The following ZNF622 variants were observed in gnomAD, a reference collection of about 807,000 sequenced individuals.
ZNF622 encodes cytoplasmic 60S subunit biogenesis factor ZNF622.
A neutral mutation model predicts 49.7 loss-of-function variants in ZNF622; 34 were observed. The observed-to-expected ratio is 0.68, with a 90% CI of 0.52 to 0.91. ZNF622 has a LOEUF of 0.91. Among genes scored for constraint, ZNF622 ranks in the 40% least tolerant of loss-of-function variants. ZNF622 has a pLI of 0.00. For missense variants in ZNF622, 569 were observed against 616.4 expected, an observed-to-expected ratio of 0.92 and a Z score of 0.81; for synonymous variants, 209 against 228.7, an observed-to-expected ratio of 0.91 and a Z score of 0.78.
chr5:16,453,027 CA>C lies in ZNF622; in HGVS notation c.1291del (p.Trp431GlyfsTer21). 2 of 1,479,492 alleles carry C rather than the reference CA, an allele frequency of 1.4e-6. No individual in the cohort carries two copies. The highest frequency in any genetic ancestry group is 1.8e-6 in the Non-Finnish European group (2 of 1,104,668). 91.6% of individuals were successfully genotyped at this position (1,479,492 alleles called of 1,614,324 possible). A position where few individuals can be genotyped will look rare whatever the true frequency, so the allele number is the denominator to read the frequency against. ...GATCAATGTACCTGTGCTGCCAGTC[CA>C]TCCCAGGGCTCTGTACTGCTGAAGT... The part of the protein sequence containing the change: ...RVLQQYRALG[W>X]TGSTGAALMR... On this transcript the variant is annotated frameshift_variant, in exon 5 of 6. Transcript: ENST00000308683. LOFTEE classifies it high-confidence loss of function.
At chr5:16,453,364 A>C (rs1737964855) in intron 4 of ZNF622, among the ~76,000 whole-genome samples, 1 of 151,860 alleles carries the variant, frequency 6.6e-6, no homozygotes, top group South Asian at 2.1e-4. Flanking sequence ...AGCATGCAAC[A>C]AAAAGAAAAC....
intron 3 of ZNF622, among the ~76,000 whole-genome samples, chr5:16,458,908 C>A (rs1406086979): frequency 6.6e-6 from 1 of 152,332 alleles, no homozygotes; most frequent in East Asian, 1.9e-4. Flanking sequence ...GCTGGACATG[C>A]AGCTATACTC....
At chr5:16,462,151 G>A (rs939261132) in intron 3 of ZNF622, among the ~76,000 whole-genome samples, 2 of 152,122 alleles carry the variant, frequency 1.3e-5, no homozygotes, top group African/African-American at 4.8e-5. Context: ...CCAACTGCAA[G>A]TCTCCAGCTG....
chr5:16,451,906 C>A (rs746978965), intron 5 of ZNF622, 122 bp from the exon 6 acceptor site: 25 of 1,273,112 alleles, frequency 2.0e-5, no homozygotes, highest in Non-Finnish European at 2.3e-5. Flanking sequence ...GTATTTAAAA[C>A]AGAGTTGCTA....
In ZNF622 at chr5:16,463,664, G is replaced by A. The variant is rs539523351; in HGVS notation, c.704C>T (p.Ala235Val). 6 of 1,614,206 alleles carry A rather than the reference G, an allele frequency of 3.7e-6. No homozygotes were observed. The East Asian group carries it at 1.3e-4, about 36-fold the overall frequency. The change falls in exon 2 of 6, where the codon GCA becomes GTA. Residue 235 changes from alanine (A) to valine (V), a missense_variant. Physicochemically the swap from Ala to Val is moderately conservative, Grantham distance 64 (BLOSUM62 0). Coordinates refer to ENST00000308683, the MANE Select transcript of ZNF622 (RefSeq NM_033414.3). This position sits in a 1 kb window ranked among gnomAD's most constrained non-coding sequence, Gnocchi z 4.2. ...EAMDDVVEQD[A>V]EEEEAEEGPP... ...GCCTTCCTCAGCCTCTTCCTCCTCT[G>A]CATCCTGCTCCACCACATCGTCCAT...
rs187063342 is a variant in ZNF622 at position 16,464,014 on chromosome 5, T to C, written c.626-272A>G. ...TGCCTTACAGCACCTAGCCCAGTGC[T>C]GAAAATATAGTTAGGAAGTCTCCTA... On this transcript the variant is annotated intron_variant, in intron 1 of 5. Transcript: ENST00000308683. Among the ~76,000 whole-genome samples, 6 of 152,354 alleles carry C rather than the reference T, an allele frequency of 3.9e-5. No individual in the cohort carries two copies. The East Asian group carries it at 9.6e-4, about 24-fold the overall frequency.
At position 16,453,031 on chromosome 5, in the gene ZNF622, C is replaced by G; in HGVS notation, c.1288G>C (p.Gly430Arg). Residue 430 changes from glycine (G) to arginine (R), a missense_variant, in exon 5 of 6, where the codon GGA becomes CGA. Coordinates refer to ENST00000308683, the MANE Select transcript of ZNF622 (RefSeq NM_033414.3). ...GRVLQQYRAL[G>R]WTGSTGAALM... ...AATGTACCTGTGCTGCCAGTCCATC[C>G]CAGGGCTCTGTACTGCTGAAGTACT... 1 of 1,510,352 alleles carries G rather than the reference C, an allele frequency of 6.6e-7. No homozygotes were observed. The highest frequency in any genetic ancestry group is 2.4e-5 in the East Asian group (1 of 41,312). 93.6% of individuals were successfully genotyped at this position (1,510,352 alleles called of 1,614,324 possible). A position where few individuals can be genotyped will look rare whatever the true frequency, so the allele number is the denominator to read the frequency against.
chr5:16,463,413 T>C lies in ZNF622; in HGVS notation c.886+69A>G. ...AGATTGATGAAAAATGCAAAACTAATGTTCCCTTGAGACCAGTCCCCCAAT... is the reference window on the plus strand; with the variant it reads ...AGATTGATGAAAAATGCAAAACTAACGTTCCCTTGAGACCAGTCCCCCAAT... On this transcript the variant is annotated intron_variant, in intron 2 of 5. Transcript: ENST00000308683. This position sits in a 1 kb window ranked among gnomAD's most constrained non-coding sequence, Gnocchi z 4.2. The C allele has an allele frequency of 6.6e-7, 1 of 1,520,988 alleles. No homozygotes were observed. Among genetic ancestry groups the C allele is most frequent in the Non-Finnish European group, 8.9e-7 (1 of 1,127,666 alleles). 94.2% of individuals were successfully genotyped at this position (1,520,988 alleles called of 1,614,324 possible). A position where few individuals can be genotyped will look rare whatever the true frequency, so the allele number is the denominator to read the frequency against.
In ZNF622 at chr5:16,451,715, G is replaced by C. The variant is rs1005452472; in HGVS notation, c.1376C>G (p.Thr459Arg). 6 of 1,613,978 alleles carry C rather than the reference G, an allele frequency of 3.7e-6. No individual in the cohort carries two copies. Among genetic ancestry groups the C allele is most frequent in the Non-Finnish European group, 5.1e-6 (6 of 1,180,022 alleles). ...CTTGGTGGCATTGTTCTTCATTCCT[G>C]TCTTCAGCATCCATTTTGATTTCAT... is the stretch of plus-strand genomic sequence containing the variant. ...QRMKSKWMLK[T>R]GMKNNATKQM... is the part of the protein sequence containing the mutation. The change falls in exon 6 of 6, where the codon ACA becomes AGA. Residue 459 changes from threonine (T) to arginine (R), a missense_variant. By Grantham distance (71) the Thr-to-Arg change is moderately conservative. Coordinates refer to ENST00000308683, the MANE Select transcript of ZNF622 (RefSeq NM_033414.3).
intron 4 of ZNF622, among the ~76,000 whole-genome samples, chr5:16,453,562 TATATATATATATATATA>T (rs1561067749): frequency 5.3e-4 from 55 of 104,006 alleles, no homozygotes; most frequent in East Asian, 3.4e-3. Flanking sequence ...ATAAAAATTA[TATATATATATATATATA>T]TATATATATA....
intron 3 of ZNF622, among the ~76,000 whole-genome samples, chr5:16,462,865 A>G (rs1267985400): frequency 2.0e-5 from 3 of 152,228 alleles, no homozygotes; most frequent in Non-Finnish European, 4.4e-5. Context: ...TGTTTTAACC[A>G]GAACAAAAAC....
intron 4 of ZNF622, among the ~76,000 whole-genome samples, chr5:16,456,491 G>C (rs1328982378): frequency 6.6e-6 from 1 of 152,202 alleles, no homozygotes; most frequent in Non-Finnish European, 1.5e-5. Context: ...TGAGTAACTA[G>C]ATTTAGTGTC....
rs182737359 is a variant in ZNF622, at chr5:16,465,774, C to G, written c.-109G>C. On this transcript the variant is annotated 5_prime_UTR_variant, in exon 1 of 6. Transcript: ENST00000308683. The surrounding 1 kb of genome is among the most constrained non-coding windows in gnomAD (Gnocchi z 6.2). ...GCCTCAGCAGCCAGGAAGAGCCACT[C>G]GACACGCCGACTTCCTGATTGTCAC... 1 of 1,380,950 alleles carries G rather than the reference C, an allele frequency of 7.2e-7. No individual in the cohort carries two copies. The highest frequency in any genetic ancestry group is 1.4e-5 in the South Asian group (1 of 70,610). The allele number at this position is 1,380,950 out of a possible 1,614,324, so 85.5% of individuals were successfully genotyped here.
At chr5:16,459,087 T>C (rs544191604) in intron 3 of ZNF622, among the ~76,000 whole-genome samples, 1 of 152,362 alleles carries the variant, frequency 6.6e-6, no homozygotes, top group South Asian at 2.1e-4. Flanking sequence ...AAGAACTGAA[T>C]GTTTAAATTT....
At chr5:16,460,596 G>C (rs62371029) in intron 3 of ZNF622, among the ~76,000 whole-genome samples, 5,959 of 151,468 alleles carry the variant, frequency 0.039, 166 homozygotes, top group Middle Eastern at 0.079. Flanking sequence ...TAGAGACAGG[G>C]TCTCACTGTG....
intron 4 of ZNF622, among the ~76,000 whole-genome samples, chr5:16,457,584 T>C (rs1738046468): frequency 6.6e-6 from 1 of 152,204 alleles, no homozygotes; most frequent in South Asian, 2.1e-4. Context: ...CTTACAGGGT[T>C]ATCATTCTGA....
intron 3 of ZNF622, 63 bp from the exon 4 acceptor site, chr5:16,458,692 A>G: frequency 1.6e-6 from 2 of 1,240,486 alleles, no homozygotes; most frequent in Non-Finnish European, 2.3e-6. Context: ...AAAGACATAA[A>G]CTCATTTGCA....
rs532871671 is a variant in ZNF622 at position 16,463,236 on chromosome 5, C to A, written c.921G>T (p.Trp307Cys). The A allele has an allele frequency of 1.9e-6, 3 of 1,608,052 alleles. No homozygotes were observed. The highest frequency in any genetic ancestry group is 2.5e-6 in the Non-Finnish European group (3 of 1,178,786). ...EKVGVGKICL[W>C]CNEKGKSFYS... is the part of the protein sequence containing the mutation. ...AGAAGGACTTCCCTTTCTCGTTGCA[C>A]CACAAGCAAATCTTGCCAACACCAA... The change falls in exon 3 of 6, where the codon TGG (tryptophan) becomes TGT (cysteine). Residue 307 changes from tryptophan (W) to cysteine (C), a missense_variant. Coordinates refer to ENST00000308683, the MANE Select transcript of ZNF622 (RefSeq NM_033414.3). The surrounding 1 kb of genome is among the most constrained non-coding windows in gnomAD (Gnocchi z 4.2).
At position 16,465,263 on chromosome 5, in the gene ZNF622, C is replaced by T; in HGVS notation, c.403G>A (p.Ala135Thr). 1.2e-6 allele frequency: 2 copies of T among 1,614,246 alleles called. No homozygotes were observed. Among genetic ancestry groups the T allele is most frequent in the Non-Finnish European group, 1.7e-6 (2 of 1,180,028 alleles). Residue 135 changes from alanine to threonine, a missense_variant, in exon 1 of 6, where the codon GCC (alanine) becomes ACC (threonine). Transcript: ENST00000308683. The surrounding 1 kb of genome is among the most constrained non-coding windows in gnomAD (Gnocchi z 6.2). ...KDAMNAAIQQAIKAQPSMSPK... is the reference protein window; with the variant it reads ...KDAMNAAIQQTIKAQPSMSPK... ...GACATGGACGGCTGGGCCTTGATGG[C>T]CTGCTGGATGGCCGCGTTCATGGCA...
Sources: gnomAD v4.1 joint callset for allele counts (sites outside exome capture counted in the v4.1 genomes callset) on GRCh38, gnomAD v4.1.1 for gene constraint, Gnocchi (gnomAD v3.1) non-coding constraint, MANE v1.5 for transcripts, NCBI Gene and HGNC (gene_info 2026-07-23, HGNC 2026-07-21) for gene names.